WRN: variants seen among roughly 807,000 people sequenced by gnomAD.
WRN encodes WRN RecQ like helicase.
In WRN, 149 loss-of-function variants were observed where a neutral mutation model predicts 180.7. The observed-to-expected ratio is 0.82, with a 90% CI of 0.72 to 0.94. The LOEUF is 0.94. Among genes scored for constraint, WRN ranks in the 40% least tolerant of loss-of-function variants. WRN has a pLI of 0.00. For missense variants in WRN, 1,661 were observed against 1,700.1 expected, an observed-to-expected ratio of 0.98 and a Z score of 0.40; for synonymous variants, 548 against 568.9, an observed-to-expected ratio of 0.96 and a Z score of 0.52.
chr8:31,144,785 A>G (rs1245060430), intron 28 of WRN, among the ~76,000 whole-genome samples: 1 of 152,250 alleles, frequency 6.6e-6, no homozygotes, highest in Non-Finnish European at 1.5e-5. Flanking sequence ...TAGTTTGCAA[A>G]GGCAAAAGTT....
intron 18 of WRN, among the ~76,000 whole-genome samples, chr8:31,104,816 G>T (rs1801030485): frequency 6.6e-6 from 1 of 152,108 alleles, no homozygotes; most frequent in Non-Finnish European, 1.5e-5. Flanking sequence ...TATTTGTGTG[G>T]GTCTATTTCT....
At chr8:31,097,015 T>C (rs1814016653) in intron 17 of WRN, among the ~76,000 whole-genome samples, 165 bp downstream of exon 17, 1 of 152,250 alleles carries the variant, frequency 6.6e-6, no homozygotes, top group Admixed American at 6.5e-5. Context: ...TCTTATCCCA[T>C]GATACTCTAT....
chr8:31,056,911 T>C (rs544308564), intron 1 of WRN, among the ~76,000 whole-genome samples: 47 of 152,302 alleles, frequency 3.1e-4, no homozygotes, highest in African/African-American at 1.1e-3. Flanking sequence ...GTAAGCTGCC[T>C]TCTGGTTTGA....
intron 18 of WRN, among the ~76,000 whole-genome samples, chr8:31,108,146 A>G (rs1251842006): frequency 1.3e-5 from 2 of 152,206 alleles, no homozygotes; most frequent in Non-Finnish European, 2.9e-5. Flanking sequence ...GCTGCCTGTT[A>G]AAAAAGAAAT....
intron 8 of WRN, among the ~76,000 whole-genome samples, chr8:31,077,240 G>C (rs112958835): frequency 6.6e-6 from 1 of 151,976 alleles, no homozygotes; most frequent in Non-Finnish European, 1.5e-5. Flanking sequence ...ATTTCTGAAA[G>C]ATGTAACTTT....
chr8:31,077,522 G>C (rs574241739), intron 8 of WRN, among the ~76,000 whole-genome samples: 2 of 152,272 alleles, frequency 1.3e-5, no homozygotes, highest in South Asian at 4.1e-4. Flanking sequence ...GATTACAGGC[G>C]TTAGCCACCG....
chr8:31,067,607 G>A (rs1812762857), intron 6 of WRN, among the ~76,000 whole-genome samples: 1 of 152,122 alleles, frequency 6.6e-6, no homozygotes, highest in South Asian at 2.1e-4. Flanking sequence ...AAAATGTGGT[G>A]AAATTTTAGA....
rs797045118 is a variant in WRN, at chr8:31,065,044, CAG to C, written c.487_488del (p.Asp163CysfsTer4). On this transcript the variant is annotated frameshift_variant, in exon 5 of 35. Coordinates refer to ENST00000298139, the MANE Select transcript of WRN (RefSeq NM_000553.6). LOFTEE classifies it high-confidence loss of function. ...AAATTGAAGAATTTTGTGGAGTTGA[CAG>C]ATGTTGCCAATAAAAAGGTAAAAGC... 4.3e-6 allele frequency: 7 copies of C among 1,613,116 alleles called. No homozygotes were observed. The highest frequency in any genetic ancestry group is 1.3e-5 in the African/African-American group (1 of 74,864).
rs55952620 is a variant in WRN at position 31,118,326 on chromosome 8, T to C, written c.2448+1798T>C. Among the ~76,000 whole-genome samples the C allele has an allele frequency of 4.6e-5, 7 of 152,230 alleles. No homozygotes were observed. In the South Asian group the frequency reaches 1.5e-3, roughly 32 times the overall value. On this transcript the variant is annotated intron_variant, in intron 20 of 34. Transcript: ENST00000298139. ...CATTACGAAAATTTAAAAATTGATA[T>C]GGTTTTTTCTCCCTACGTTGATATC...
At position 31,163,089 on chromosome 8, in the gene WRN, G is replaced by GGT. The variant is rs11574386; in HGVS notation, c.3983-3919_3983-3918dup. Among the ~76,000 whole-genome samples, 639 of 151,950 alleles carry GGT rather than the reference G, an allele frequency of 4.2e-3. 3 individuals carry two copies. Among genetic ancestry groups the GGT allele is most frequent in the East Asian group, 0.014 (72 of 5,178 alleles). ...TAAGAATTCAAACAGGTTGTAATGG[G>GGT]GTGTGTGTGTGTGTGCACACGCGCA... On this transcript the variant is annotated intron_variant, in intron 33 of 34. Coordinates refer to ENST00000298139, the MANE Select transcript of WRN (RefSeq NM_000553.6).
intron 33 of WRN, among the ~76,000 whole-genome samples, chr8:31,159,532 A>T (rs985212399): frequency 6.6e-5 from 10 of 152,112 alleles, no homozygotes; most frequent in African/African-American, 2.4e-4. Flanking sequence ...AAAAGTTATA[A>T]TTTAAAAAAA....
chr8:31,065,467 A>G (rs1208972700), intron 5 of WRN, among the ~76,000 whole-genome samples: 1 of 152,072 alleles, frequency 6.6e-6, no homozygotes, highest in African/African-American at 2.4e-5. Flanking sequence ...GCTCCCACTT[A>G]TAAGTGAGAA....
intron 1 of WRN, among the ~76,000 whole-genome samples, chr8:31,039,051 T>C (rs1811552192): frequency 6.6e-6 from 1 of 152,224 alleles, no homozygotes; most frequent in African/African-American, 2.4e-5. Flanking sequence ...TTATTTTGGC[T>C]ATTTGGGGTC....
intron 3 of WRN, among the ~76,000 whole-genome samples, chr8:31,061,359 CATT>C (rs1181293143): frequency 1.3e-5 from 2 of 151,818 alleles, no homozygotes; most frequent in Non-Finnish European, 2.9e-5. Flanking sequence ...TTTTGGCTCT[CATT>C]ATTCATGTTT....
intron 17 of WRN, among the ~76,000 whole-genome samples, chr8:31,098,791 A>G (rs1814093449): frequency 1.3e-5 from 2 of 152,206 alleles, no homozygotes; most frequent in South Asian, 4.1e-4. Context: ...ACTTAAGTGA[A>G]TGTTGGCAAA....
chr8:31,172,149 G>C (rs977212589), intron 34 of WRN, among the ~76,000 whole-genome samples: 2 of 151,922 alleles, frequency 1.3e-5, no homozygotes, highest in Admixed American at 1.3e-4. Flanking sequence ...TTGTGTGTGT[G>C]TGTGTGTGTG....
chr8:31,125,123 T>C lies in WRN; in HGVS notation c.2825+123T>C. On this transcript the variant is annotated intron_variant, in intron 23 of 34. Coordinates refer to ENST00000298139, the MANE Select transcript of WRN (RefSeq NM_000553.6). ...TTTTTAAACAAAACAATGAATGTGTTTAGATATGAGAAAGCAAACAATATT... is the reference window on the plus strand; with the variant it reads ...TTTTTAAACAAAACAATGAATGTGTCTAGATATGAGAAAGCAAACAATATT... 3 of 933,914 alleles carry C rather than the reference T, an allele frequency of 3.2e-6. No homozygotes were observed. In the East Asian group the frequency reaches 7.3e-5, roughly 23 times the overall value. 57.9% of individuals were successfully genotyped at this position (933,914 alleles called of 1,614,324 possible).
chr8:31,110,250 T>G (rs2130276472), intron 18 of WRN, among the ~76,000 whole-genome samples: 1 of 152,272 alleles, frequency 6.6e-6, no homozygotes, highest in Admixed American at 6.5e-5. Context: ...ACCAACCTCT[T>G]TATAGATTAG....
chr8:31,143,736 T>G, intron 28 of WRN, 113 bp downstream of exon 28: 1 of 741,672 alleles, frequency 1.3e-6, no homozygotes, highest in Non-Finnish European at 2.3e-6. Context: ...AAGTTAAATT[T>G]AAAACATAAG....
Sources: gnomAD v4.1 joint callset for allele counts (sites outside exome capture counted in the v4.1 genomes callset) on GRCh38, gnomAD v4.1.1 for gene constraint, MANE v1.5 for transcripts, NCBI Gene and HGNC (gene_info 2026-07-23, HGNC 2026-07-21) for gene names.